Variants in LRP5 observed in about 807,000 individuals in gnomAD.
The protein encoded by LRP5 is low-density lipoprotein receptor-related protein 5.
Under a neutral mutation model 154.1 loss-of-function variants are expected in LRP5, and 62 were observed. That is an observed-to-expected ratio of 0.40 (90% CI 0.33 to 0.50). The LOEUF is 0.50. Among genes scored for constraint, LRP5 ranks in the 20% least tolerant of loss-of-function variants. The pLI is 0.55. For missense variants in LRP5, 1,915 were observed against 2,336.7 expected (o/e 0.82, Z 3.72); for synonymous variants, 966 against 1,011.5 (o/e 0.96, Z 0.85).
At chr11:68,425,316 A>G in intron 15 of LRP5, 24 bp downstream of exon 15, 1 of 1,592,662 alleles carries the variant, frequency 6.3e-7, no homozygotes, top group Non-Finnish European at 8.5e-7. Context: ...GGCCTGCCCT[A>G]ACCGCAGACA....
chr11:68,372,501 A>ACCGTGGCGGCGAGGAGGGG (rs1565353667), intron 5 of LRP5, among the ~76,000 whole-genome samples: 2 of 151,418 alleles, frequency 1.3e-5, no homozygotes, highest in Admixed American at 6.6e-5. Flanking sequence ...CAGACCGGGG[A>ACCGTGGCGGCGAGGAGGGG]CTTGGAGCAC....
intron 5 of LRP5, among the ~76,000 whole-genome samples, chr11:68,367,373 G>A (rs1358759939): frequency 6.6e-6 from 1 of 152,220 alleles, no homozygotes; most frequent in Non-Finnish European, 1.5e-5. Flanking sequence ...GGTGGGGTCT[G>A]GCTCCCAGAG....
intron 2 of LRP5, among the ~76,000 whole-genome samples, chr11:68,357,425 G>A (rs1433599374): frequency 6.6e-6 from 1 of 152,208 alleles, no homozygotes; most frequent in Non-Finnish European, 1.5e-5. Flanking sequence ...TCCACAAGAA[G>A]GGAAGGTGCC....
chr11:68,332,360 ATTGGAGG>A (rs1480431667), intron 1 of LRP5, among the ~76,000 whole-genome samples: 1 of 152,200 alleles, frequency 6.6e-6, no homozygotes, highest in African/African-American at 2.4e-5. Context: ...CACGGCCAGC[ATTGGAGG>A]TGCTCGGCCC....
chr11:68,408,158 C>T (rs2098656806), intron 9 of LRP5, among the ~76,000 whole-genome samples: 2 of 151,928 alleles, frequency 1.3e-5, no homozygotes, highest in South Asian at 4.2e-4. Flanking sequence ...TCACTGCAGC[C>T]TCGACCTCCT....
intron 1 of LRP5, among the ~76,000 whole-genome samples, chr11:68,332,353 G>A (rs1025618320): frequency 5.3e-5 from 8 of 152,204 alleles, no homozygotes; most frequent in African/African-American, 1.9e-4. Context: ...ATGGGTCCAC[G>A]GCCAGCATTG....
At chr11:68,344,494 A>G (rs904232062) in intron 1 of LRP5, among the ~76,000 whole-genome samples, 18 of 151,244 alleles carry the variant, frequency 1.2e-4, no homozygotes, top group Non-Finnish European at 2.5e-4. Flanking sequence ...TAATTTTTGT[A>G]TTTTTAGTAG....
At chr11:68,414,181 G>C (rs1031537744) in intron 12 of LRP5, among the ~76,000 whole-genome samples, 169 bp downstream of exon 12, 2 of 152,212 alleles carry the variant, frequency 1.3e-5, no homozygotes, top group African/African-American at 4.8e-5. Flanking sequence ...CCAGGTCCAG[G>C]CTGGATGGAC....
At chr11:68,300,010 G>C in the LRP5 span, among the ~76,000 whole-genome samples, 1 of 149,026 alleles carries the variant, frequency 6.7e-6, no homozygotes, top group African/African-American at 2.4e-5. Context: ...CGATTCTCCT[G>C]CCTCAGCCTC....
At chr11:68,350,352 A>G (rs1178533933) in intron 2 of LRP5, among the ~76,000 whole-genome samples, 3 of 152,184 alleles carry the variant, frequency 2.0e-5, no homozygotes, top group Admixed American at 2.0e-4. Flanking sequence ...TAGATCTTCT[A>G]GGTTAGAAAG....
At chr11:68,443,576 TATATATA>T (rs1242544993) in intron 21 of LRP5, among the ~76,000 whole-genome samples, 4 of 42,128 alleles carry the variant, frequency 9.5e-5, no homozygotes, top group African/African-American at 3.4e-4. Flanking sequence ...TATATATATA[TATATATA>T]TATTTTTTTT....
At chr11:68,405,754 T>G (rs1302298911) in intron 8 of LRP5, among the ~76,000 whole-genome samples, 4 of 152,198 alleles carry the variant, frequency 2.6e-5, no homozygotes, top group Non-Finnish European at 5.9e-5. Context: ...ATTAACAGAC[T>G]GGCCAAAAAT....
In LRP5 at chr11:68,406,594, G is replaced by T. The variant is rs1271249802; in HGVS notation, c.1872G>T (p.Arg624=). ...GCTTCTTCACACCCCACGCAACCCGGTGTGGCTGCCCCATCGGCCTGGAGC... is the reference window on the plus strand; with the variant it reads ...GCTTCTTCACACCCCACGCAACCCGTTGTGGCTGCCCCATCGGCCTGGAGC... ...HLCFFTPHAT[R]CGCPIGLELL... Residue 624 remains arginine, a synonymous_variant, in exon 9 of 23, where the codon CGG becomes CGT. Transcript: ENST00000294304. The T allele has an allele frequency of 1.9e-6, 3 of 1,614,174 alleles. No homozygotes were observed. Among genetic ancestry groups the T allele is most frequent in the East Asian group, 2.2e-5 (1 of 44,878 alleles).
At chr11:68,404,832 C>T (rs371037645) in intron 8 of LRP5, among the ~76,000 whole-genome samples, 67 of 151,706 alleles carry the variant, frequency 4.4e-4, no homozygotes, top group African/African-American at 1.2e-3. Context: ...TAGCCGGGTG[C>T]GGTGGCAGGC....
In LRP5 at chr11:68,406,681, C is replaced by T. The variant is rs755991257; in HGVS notation, c.1959C>T (p.Ala653=). Residue 653 remains alanine (A), a synonymous_variant, in exon 9 of 23, where the codon GCC becomes GCT. Coordinates refer to ENST00000294304, the MANE Select transcript of LRP5 (RefSeq NM_002335.4). ...CCTTCTTGGTCTTCACCAGCAGAGC[C>T]GCCATCCACAGGATCTCCCTCGAGA... ...PEAFLVFTSR[A]AIHRISLETN... 1.4e-5 allele frequency: 23 copies of T among 1,614,066 alleles called. No homozygotes were observed. In the Admixed American group the frequency reaches 1.5e-4, roughly 11 times the overall value.
chr11:68,441,825 A>G (rs975335112), intron 21 of LRP5, among the ~76,000 whole-genome samples: 3 of 152,208 alleles, frequency 2.0e-5, no homozygotes, highest in Non-Finnish European at 4.4e-5. Flanking sequence ...GATGTGTGCA[A>G]CCCTCACCAC....
At chr11:68,398,075 T>C (rs2098650544) in intron 7 of LRP5, among the ~76,000 whole-genome samples, 1 of 152,130 alleles carries the variant, frequency 6.6e-6, no homozygotes, top group African/African-American at 2.4e-5. Context: ...TGTTGCTGTT[T>C]CCTTTTGGGT....
chr11:68,330,597 C>T (rs113295482), intron 1 of LRP5, among the ~76,000 whole-genome samples: 21 of 152,378 alleles, frequency 1.4e-4, no homozygotes, highest in African/African-American at 3.8e-4. Context: ...TCATTCTGCA[C>T]GGCACTAGCC....
chr11:68,408,642 A>G (rs939788794), intron 9 of LRP5, among the ~76,000 whole-genome samples: 1 of 152,090 alleles, frequency 6.6e-6, no homozygotes, highest in African/African-American at 2.4e-5. Context: ...TTGACATTAC[A>G]ACAGGTATTT....
Sources: gnomAD v4.1 joint callset for allele counts (sites outside exome capture counted in the v4.1 genomes callset) on GRCh38, gnomAD v4.1.1 for gene constraint, MANE v1.5 for transcripts, NCBI Gene and HGNC (gene_info 2026-07-23, HGNC 2026-07-21) for gene names.